MKLN1: variants seen among roughly 807,000 people sequenced by gnomAD.
The protein encoded by MKLN1 is muskelin 1.
In MKLN1, 18 loss-of-function variants were observed where a neutral mutation model predicts 99.0. That is an observed-to-expected ratio of 0.18 (90% CI 0.13 to 0.27). MKLN1 has a LOEUF of 0.27. MKLN1 is among the 10% of genes least tolerant of loss of function. The probability of loss-of-function intolerance (pLI) is 1.00; values close to 1 mark genes in which losing one functional copy is unlikely to be tolerated. For missense variants in MKLN1, 621 were observed against 875.9 expected (o/e 0.71, Z 3.67); for synonymous variants, 288 against 293.2 (o/e 0.98, Z 0.18).
chr7:131,212,938 A>AT (rs1796928904), intron 3 of MKLN1, among the ~76,000 whole-genome samples: 2 of 151,586 alleles, frequency 1.3e-5, no homozygotes, highest in Non-Finnish European at 2.9e-5. Context: ...AAAAAAAACA[A>AT]AAAACACCTA....
chr7:131,114,798 G>A lies in MKLN1; in HGVS notation c.-419+4591G>A, dbSNP rs144672610. On this transcript the variant is annotated intron_variant, in intron 1 of 7. Transcript: ENST00000416992. ...CCATCTCTACTAAAATTAGCCGGGT[G>A]TAGTGGCACACACCTGTAGTCCCAG... Among the ~76,000 whole-genome samples the A allele has an allele frequency of 2.3e-3, 343 of 152,146 alleles. 1 individual carries two copies. Among genetic ancestry groups the A allele is most frequent in the Non-Finnish European group, 4.4e-3 (297 of 67,984 alleles).
Position 131,411,398 on chromosome 7 carries a change from C to G in MKLN1, c.781+15C>G, listed in dbSNP as rs936435459. 1 of 1,537,802 alleles carries G rather than the reference C, an allele frequency of 6.5e-7. No individual in the cohort carries two copies. Among genetic ancestry groups the G allele is most frequent in the Non-Finnish European group, 9.0e-7 (1 of 1,110,744 alleles). ...AAGTACCAAAGGTAAGCCATACCTT[C>G]TAGATTGTAGTTCTTTTTCATTAAT... On this transcript the variant is annotated intron_variant, in intron 7 of 17. Transcript: ENST00000352689.
chr7:131,164,748 G>A (rs1319124351), intron 2 of MKLN1, among the ~76,000 whole-genome samples: 1 of 152,160 alleles, frequency 6.6e-6, no homozygotes, highest in East Asian at 1.9e-4. Context: ...ATGAATCATA[G>A]AAGGAAGACA....
chr7:131,114,421 G>C (rs1795244133), intron 1 of MKLN1, among the ~76,000 whole-genome samples: 1 of 152,134 alleles, frequency 6.6e-6, no homozygotes, highest in Non-Finnish European at 1.5e-5. Context: ...GGAGTCATCA[G>C]AATAAGGAAT....
At chr7:131,193,815 A>T (rs1013254234) in intron 2 of MKLN1, among the ~76,000 whole-genome samples, 1 of 151,778 alleles carries the variant, frequency 6.6e-6, no homozygotes, top group African/African-American at 2.4e-5. Flanking sequence ...TTTTGTAGAG[A>T]TGTGGTTTCC....
chr7:131,419,581 A>G (rs937885000), intron 8 of MKLN1, among the ~76,000 whole-genome samples: 3 of 152,126 alleles, frequency 2.0e-5, no homozygotes, highest in Non-Finnish European at 2.9e-5. Context: ...CCCTATCTTA[A>G]TTGACATTTT....
At chr7:131,115,218 C>G (rs1025992329) in intron 1 of MKLN1, among the ~76,000 whole-genome samples, 5 of 152,188 alleles carry the variant, frequency 3.3e-5, no homozygotes, top group Admixed American at 3.3e-4. Context: ...AAATACTACA[C>G]TAATAGAATT....
chr7:131,436,800 TG>T (rs1465789424), intron 9 of MKLN1, among the ~76,000 whole-genome samples: 1 of 152,194 alleles, frequency 6.6e-6, no homozygotes, highest in Non-Finnish European at 1.5e-5. Context: ...TATGTTTTAT[TG>T]GGTCCTGTGA....
At chr7:131,122,459 A>AT (rs1795387486) in intron 1 of MKLN1, among the ~76,000 whole-genome samples, 2 of 152,268 alleles carry the variant, frequency 1.3e-5, no homozygotes, top group Admixed American at 1.3e-4. Flanking sequence ...AATCTGAGTC[A>AT]TTTTTATCTT....
chr7:131,413,942 A>AGTTT (rs1794947227), intron 7 of MKLN1, among the ~76,000 whole-genome samples: 1 of 152,224 alleles, frequency 6.6e-6, no homozygotes, highest in African/African-American at 2.4e-5. Flanking sequence ...GATTGTATTT[A>AGTTT]AACCTGCCTA....
At chr7:131,371,815 TCTC>T (rs770860226) in intron 1 of MKLN1, among the ~76,000 whole-genome samples, 2 of 151,604 alleles carry the variant, frequency 1.3e-5, no homozygotes, top group East Asian at 1.9e-4. Flanking sequence ...GAGCTGTTAA[TCTC>T]CTATTTTTAG....
intron 3 of MKLN1, among the ~76,000 whole-genome samples, chr7:131,237,857 T>G (rs1284997882): frequency 6.6e-6 from 1 of 152,016 alleles, no homozygotes; most frequent in East Asian, 1.9e-4. Context: ...CAAAAATAAC[T>G]AAAGGGTGGC....
At chr7:131,302,105 T>C (rs1212110094) in intron 3 of MKLN1, among the ~76,000 whole-genome samples, 1 of 152,266 alleles carries the variant, frequency 6.6e-6, no homozygotes, top group African/African-American at 2.4e-5. Flanking sequence ...AGTGTGGTAT[T>C]TGGCCTGTGG....
intron 3 of MKLN1, among the ~76,000 whole-genome samples, chr7:131,285,381 C>T (rs550292735): frequency 7.5e-4 from 115 of 152,350 alleles, no homozygotes; most frequent in Non-Finnish European, 1.5e-3. Flanking sequence ...TGCGCTCATA[C>T]CTTGTCCACT....
chr7:131,383,991 A>C (rs899198740), intron 2 of MKLN1, among the ~76,000 whole-genome samples: 12 of 152,188 alleles, frequency 7.9e-5, no homozygotes, highest in Non-Finnish European at 1.3e-4. Flanking sequence ...TGTTGTGCTT[A>C]ATAGATCCCA....
At chr7:131,310,374 G>C (rs1798543906) in intron 3 of MKLN1, 1 of 152,154 alleles carries the variant, frequency 6.6e-6, no homozygotes, top group Non-Finnish European at 1.5e-5. Context: ...TGAAAGCACT[G>C]ATGATCAAAA....
chr7:131,335,185 G>T (rs1483475585), intron 1 of MKLN1, among the ~76,000 whole-genome samples: 8 of 152,096 alleles, frequency 5.3e-5, no homozygotes, highest in Admixed American at 2.6e-4. Flanking sequence ...AGATGTTTCA[G>T]TTAGAAAATT....
At chr7:131,172,840 C>T (rs1796236351) in intron 2 of MKLN1, among the ~76,000 whole-genome samples, 1 of 152,100 alleles carries the variant, frequency 6.6e-6, no homozygotes, top group Non-Finnish European at 1.5e-5. Flanking sequence ...ATACTTGATC[C>T]ATAGTATTAA....
At chr7:131,304,147 G>A (rs1362221817) in intron 3 of MKLN1, among the ~76,000 whole-genome samples, 1 of 152,190 alleles carries the variant, frequency 6.6e-6, no homozygotes, top group East Asian at 1.9e-4. Context: ...GCTGAGGCGG[G>A]AGGATCTCTT....
Sources: gnomAD v4.1 joint callset for allele counts (sites outside exome capture counted in the v4.1 genomes callset) on GRCh38, gnomAD v4.1.1 for gene constraint, MANE v1.5 for transcripts, NCBI Gene and HGNC (gene_info 2026-07-23, HGNC 2026-07-21) for gene names.